The following DLG2 variants were observed in gnomAD, a reference collection of about 807,000 sequenced individuals.
The protein encoded by DLG2 is disks large homolog 2.
DLG2 carries 45 observed loss-of-function variants against 132.5 expected under a neutral mutation model. The ratio of observed to expected loss-of-function variants is 0.34; its 90% CI spans 0.27 to 0.44. The LOEUF (loss-of-function observed/expected upper bound fraction) is 0.44. DLG2 is among the 20% of genes least tolerant of loss of function. The pLI is 1.00. For synonymous variants in DLG2, 424 were observed against 419.6 expected (o/e 1.01, Z -0.13); for missense variants, 1,045 against 1,196.9 (o/e 0.87, Z 1.87).
chr11:85,373,378 G>A (rs1216251050), intron 3 of DLG2, among the ~76,000 whole-genome samples: 1 of 152,094 alleles, frequency 6.6e-6, no homozygotes, highest in Non-Finnish European at 1.5e-5. Flanking sequence ...GGAACACTTA[G>A]GCTTCTAGGG....
intron 9 of DLG2, among the ~76,000 whole-genome samples, chr11:84,118,392 C>A (rs775141682): frequency 1.3e-5 from 2 of 152,116 alleles, no homozygotes; most frequent in South Asian, 4.1e-4. Flanking sequence ...AGGCAAAATC[C>A]GATCAGACTT....
chr11:85,504,113 C>T (rs556221836), intron 3 of DLG2, among the ~76,000 whole-genome samples: 30 of 152,270 alleles, frequency 2.0e-4, no homozygotes, highest in South Asian at 6.2e-4. Flanking sequence ...TGGATATTAG[C>T]TCTTTGTCAG....
chr11:85,180,311 T>A (rs2079604320), intron 4 of DLG2, among the ~76,000 whole-genome samples: 1 of 151,928 alleles, frequency 6.6e-6, no homozygotes, highest in Non-Finnish European at 1.5e-5. Context: ...TATATTTCTG[T>A]ATTTTCTACA....
intron 6 of DLG2, among the ~76,000 whole-genome samples, chr11:84,802,885 C>G (rs1156485184): frequency 6.6e-6 from 1 of 152,090 alleles, no homozygotes; most frequent in African/African-American, 2.4e-5. Flanking sequence ...CTGCAACCTC[C>G]ACCTCCCGGG....
intron 3 of DLG2, among the ~76,000 whole-genome samples, chr11:85,306,991 G>C (rs1028108382): frequency 6.6e-6 from 1 of 152,204 alleles, no homozygotes; most frequent in African/African-American, 2.4e-5. Flanking sequence ...CAAAGTCAAT[G>C]TCATCTCAAG....
chr11:83,635,806 G>A (rs1405808025), intron 18 of DLG2, among the ~76,000 whole-genome samples: 1 of 152,088 alleles, frequency 6.6e-6, no homozygotes, highest in East Asian at 1.9e-4. Flanking sequence ...ATTTAGGCTT[G>A]TCCAGCTTTT....
intron 7 of DLG2, among the ~76,000 whole-genome samples, chr11:84,492,588 A>C (rs956460190): frequency 6.6e-6 from 1 of 152,182 alleles, no homozygotes; most frequent in Non-Finnish European, 1.5e-5. Context: ...AATAAAGAAA[A>C]TAATCACATA....
intron 11 of DLG2, among the ~76,000 whole-genome samples, chr11:84,046,665 T>C (rs1207539252): frequency 6.6e-6 from 1 of 151,644 alleles, no homozygotes; most frequent in Non-Finnish European, 1.5e-5. Context: ...CCTTGACTAA[T>C]AATTCTCAAT....
At chr11:84,342,070 T>G (rs1409762598) in intron 7 of DLG2, among the ~76,000 whole-genome samples, 4 of 152,134 alleles carry the variant, frequency 2.6e-5, no homozygotes, top group African/African-American at 9.7e-5. Context: ...TTTTTTTAAT[T>G]TTATTTAGGG....
chr11:84,875,019 C>CAAAA (rs563276131), intron 6 of DLG2, among the ~76,000 whole-genome samples: 2 of 59,882 alleles, frequency 3.3e-5, no homozygotes, highest in African/African-American at 1.0e-4. Flanking sequence ...TACTTCATCT[C>CAAAA]AAAAAAAAAA....
chr11:84,775,860 G>A (rs1033970511), intron 6 of DLG2, among the ~76,000 whole-genome samples: 1 of 152,056 alleles, frequency 6.6e-6, no homozygotes, highest in East Asian at 1.9e-4. Flanking sequence ...CATGTAACAA[G>A]CTTGCCCATG....
rs189479235 is a variant in DLG2, at chr11:85,468,024, C to G, written c.40+130633G>C. ...GTCTATTCAGAGATTCAACTTCTTC[C>G]TGGTTTAGTCTTGGGAGGGTGTATG... On this transcript the variant is annotated intron_variant, in intron 3 of 27. Coordinates refer to ENST00000376104, the MANE Select transcript of DLG2 (RefSeq NM_001142699.3). 2.9e-3 allele frequency among the ~76,000 whole-genome samples: 435 copies of G among 152,272 alleles called. 1 individual carries two copies. The highest frequency in any genetic ancestry group is 3.3e-3 in the Non-Finnish European group (222 of 68,024).
intron 7 of DLG2, among the ~76,000 whole-genome samples, chr11:84,462,099 T>A (rs770982727): frequency 6.6e-6 from 1 of 150,884 alleles, no homozygotes; most frequent in African/African-American, 2.4e-5. Context: ...AACTAAATGA[T>A]CCCACGAGTC....
At chr11:85,352,057 T>C (rs1451015463) in intron 3 of DLG2, among the ~76,000 whole-genome samples, 1 of 152,224 alleles carries the variant, frequency 6.6e-6, no homozygotes, top group Non-Finnish European at 1.5e-5. Flanking sequence ...TTTTGGTTGG[T>C]AGGCTATTAA....
chr11:83,735,589 T>A (rs2153707941), intron 18 of DLG2, among the ~76,000 whole-genome samples: 1 of 152,328 alleles, frequency 6.6e-6, no homozygotes, highest in Middle Eastern at 3.4e-3. Context: ...TATTTTGGCC[T>A]AATATTTTGT....
intron 10 of DLG2, among the ~76,000 whole-genome samples, chr11:84,078,995 G>T (rs1374076216): frequency 6.6e-6 from 1 of 152,048 alleles, no homozygotes; most frequent in Admixed American, 6.5e-5. Flanking sequence ...CATCCTCAAA[G>T]TCATTCTTTA....
intron 15 of DLG2, among the ~76,000 whole-genome samples, chr11:83,925,614 C>A (rs1034107877): frequency 6.6e-6 from 1 of 151,912 alleles, no homozygotes; most frequent in Non-Finnish European, 1.5e-5. Context: ...ATATATATAT[C>A]CTTCAGTGAG....
chr11:85,627,975 C>G (rs1434657029), upstream of DLG2: 1 of 152,876 alleles, frequency 6.5e-6, no homozygotes, highest in East Asian at 1.9e-4. Flanking sequence ...CCCCGAGACA[C>G]GGCTGACAAG....
chr11:83,887,081 C>T lies in DLG2; in HGVS notation c.1497-12593G>A, dbSNP rs148084540. Among the ~76,000 whole-genome samples the T allele has an allele frequency of 5.9e-3, 890 of 152,004 alleles. 7 individuals are homozygous for T. The highest frequency in any genetic ancestry group is 0.02 in the African/African-American group (832 of 41,442). On this transcript the variant is annotated intron_variant, in intron 15 of 27. Transcript: ENST00000376104. ...AACACATTTGAAAGCTAGCATAAGG[C>T]GAGAAATAACTAAGATCAGAGCAGA...
Sources: gnomAD v4.1 joint callset for allele counts (sites outside exome capture counted in the v4.1 genomes callset) on GRCh38, gnomAD v4.1.1 for gene constraint, MANE v1.5 for transcripts, NCBI Gene and HGNC (gene_info 2026-07-23, HGNC 2026-07-21) for gene names.